The following HIPK3 variants were observed in gnomAD, a reference collection of about 807,000 sequenced individuals.
HIPK3 encodes the protein homeodomain-interacting protein kinase 3.
HIPK3 carries 47 observed loss-of-function variants against 124.2 expected under a neutral mutation model. The observed-to-expected ratio is 0.38, with a 90% CI of 0.30 to 0.48. HIPK3 has a LOEUF of 0.48. HIPK3 is among the 20% of genes least tolerant of loss of function. HIPK3 has a pLI of 0.98. For synonymous variants in HIPK3, 482 were observed against 515.2 expected (o/e 0.94, Z 0.87); for missense variants, 1,286 against 1,454.3 (o/e 0.88, Z 1.88).
chr11:33,318,178 T>C (rs1852560443), intron 2 of HIPK3, among the ~76,000 whole-genome samples: 1 of 152,180 alleles, frequency 6.6e-6, no homozygotes, highest in Non-Finnish European at 1.5e-5. Context: ...AGCATCTAAG[T>C]CTGAGCACTT....
At chr11:33,269,117 C>T (rs1056085883) in intron 1 of HIPK3, among the ~76,000 whole-genome samples, 5 of 152,136 alleles carry the variant, frequency 3.3e-5, no homozygotes, top group South Asian at 2.1e-4. Flanking sequence ...CCTTAATCAA[C>T]GTGTAGCATC....
chr11:33,352,067 C>G, intron 15 of HIPK3, 71 bp from the exon 16 acceptor site: 1 of 1,442,152 alleles, frequency 6.9e-7, no homozygotes, highest in Non-Finnish European at 9.6e-7. Flanking sequence ...TGTAAAATAT[C>G]TAAAGACTTT....
chr11:33,350,461 G>A (rs1253250447), intron 14 of HIPK3, among the ~76,000 whole-genome samples: 2 of 151,182 alleles, frequency 1.3e-5, no homozygotes, highest in Non-Finnish European at 2.9e-5. Flanking sequence ...GAGGCCAAGA[G>A]TTCGAGACCA....
intron 1 of HIPK3, among the ~76,000 whole-genome samples, chr11:33,267,039 C>T (rs1001274191): frequency 1.3e-5 from 2 of 152,144 alleles, no homozygotes; most frequent in Non-Finnish European, 1.5e-5. Context: ...TTTCCTTTCT[C>T]CTAAATTTAG....
chr11:33,353,775 G>A lies in HIPK3; in HGVS notation c.*207G>A, dbSNP rs1590199134. 3 of 519,758 alleles carry A rather than the reference G, an allele frequency of 5.8e-6. No individual in the cohort carries two copies. Among genetic ancestry groups the A allele is most frequent in the African/African-American group, 3.8e-5 (2 of 52,128 alleles). 32.2% of individuals were successfully genotyped at this position (519,758 alleles called of 1,614,324 possible). A position where few individuals can be genotyped will look rare whatever the true frequency, so the allele number is the denominator to read the frequency against. On this transcript the variant is annotated 3_prime_UTR_variant, in exon 17 of 17. Transcript: ENST00000303296. ...GTCTTTGGTCATGTTATCTTCTTATGTAGTAACTCTAGACAGGTGACTTAT... is the reference window on the plus strand; with the variant it reads ...GTCTTTGGTCATGTTATCTTCTTATATAGTAACTCTAGACAGGTGACTTAT...
intron 1 of HIPK3, among the ~76,000 whole-genome samples, chr11:33,262,953 A>G (rs780545277): frequency 6.6e-6 from 1 of 152,130 alleles, no homozygotes; most frequent in Non-Finnish European, 1.5e-5. Flanking sequence ...AATAGCTGAG[A>G]CTACAGGAGG....
At chr11:33,330,389 C>T (rs1010507733) in intron 3 of HIPK3, among the ~76,000 whole-genome samples, 1 of 151,744 alleles carries the variant, frequency 6.6e-6, no homozygotes, top group African/African-American at 2.4e-5. Flanking sequence ...AGTGCAGTGG[C>T]GTGATCTCAG....
At chr11:33,322,971 G>A (rs577484447) in intron 2 of HIPK3, among the ~76,000 whole-genome samples, 1 of 152,190 alleles carries the variant, frequency 6.6e-6, no homozygotes, top group South Asian at 2.1e-4. Context: ...ACCTTCCTGA[G>A]CACTGGAGTG....
At chr11:33,310,709 G>C (rs1852310474) in intron 2 of HIPK3, among the ~76,000 whole-genome samples, 1 of 152,346 alleles carries the variant, frequency 6.6e-6, no homozygotes, top group East Asian at 1.9e-4. Context: ...TGTGCAGATA[G>C]AGATAGTACA....
chr11:33,284,236 C>G (rs941863011), intron 1 of HIPK3, among the ~76,000 whole-genome samples: 2 of 151,828 alleles, frequency 1.3e-5, no homozygotes, highest in African/African-American at 4.8e-5. Context: ...TTCAACCAAC[C>G]AACAAGCCAA....
At chr11:33,291,237 C>T (rs1362732993) in intron 2 of HIPK3, among the ~76,000 whole-genome samples, 1 of 152,122 alleles carries the variant, frequency 6.6e-6, no homozygotes, top group African/African-American at 2.4e-5. Flanking sequence ...ACTTATAAAT[C>T]TGATAAGGCA....
intron 1 of HIPK3, among the ~76,000 whole-genome samples, chr11:33,266,934 C>T (rs773728776): frequency 6.6e-6 from 1 of 151,988 alleles, no homozygotes; most frequent in Non-Finnish European, 1.5e-5. Flanking sequence ...GCTAGTAATA[C>T]AGTTCTCTTG....
chr11:33,352,232 A>G lies in HIPK3; in HGVS notation c.3138A>G (p.Ser1046=), dbSNP rs1394655673. The G allele has an allele frequency of 6.2e-7, 1 of 1,613,978 alleles. No homozygotes were observed. Among genetic ancestry groups the G allele is most frequent in the Non-Finnish European group, 8.5e-7 (1 of 1,179,958 alleles). Residue 1046 remains serine (S), a synonymous_variant, in exon 16 of 17, where the codon TCA becomes TCG. Transcript: ENST00000303296. ...GTACTCGTCAGCAAAAATTGACATCAGCATTCCAGCAGCAGCATTTGAACT... is the reference window on the plus strand; with the variant it reads ...GTACTCGTCAGCAAAAATTGACATCGGCATTCCAGCAGCAGCATTTGAACT... ...AVGTRQQKLT[S]AFQQQHLNFS...
rs1031746352 is a variant in HIPK3, at chr11:33,353,770, C to A, written c.*202C>A. ...AACTTGTCTTTGGTCATGTTATCTT[C>A]TTATGTAGTAACTCTAGACAGGTGA... is the stretch of plus-strand genomic sequence containing the variant. On this transcript the variant is annotated 3_prime_UTR_variant, in exon 17 of 17. Coordinates refer to ENST00000303296, the MANE Select transcript of HIPK3 (RefSeq NM_005734.5). The A allele has an allele frequency of 1.9e-6, 1 of 529,678 alleles. No individual in the cohort carries two copies. The highest frequency in any genetic ancestry group is 1.9e-5 in the African/African-American group (1 of 52,288). The allele number at this position is 529,678 out of a possible 1,614,324, so 32.8% of individuals were successfully genotyped here. A position where few individuals can be genotyped will look rare whatever the true frequency, so the allele number is the denominator to read the frequency against.
At chr11:33,301,855 C>CACACACACACACACACACACACACACAA (rs66571916) in intron 2 of HIPK3, among the ~76,000 whole-genome samples, 1 of 151,384 alleles carries the variant, frequency 6.6e-6, no homozygotes, top group Non-Finnish European at 1.5e-5. Flanking sequence ...CACACACACA[C>CACACACACACACACACACACACACACAA]GAGTACAGTA....
At chr11:33,347,776 T>A in intron 10 of HIPK3, 23 bp downstream of exon 10, 1 of 1,613,058 alleles carries the variant, frequency 6.2e-7, no homozygotes, top group South Asian at 1.1e-5. Flanking sequence ...CAAAAGTACT[T>A]TGTGAATAGT....
intron 2 of HIPK3, among the ~76,000 whole-genome samples, chr11:33,314,648 T>A (rs1245104810): frequency 1.3e-5 from 2 of 151,906 alleles, no homozygotes; most frequent in Non-Finnish European, 2.9e-5. Context: ...AGAGAGAGAC[T>A]CCATCTCACA....
At chr11:33,310,543 A>G (rs1852304238) in intron 2 of HIPK3, among the ~76,000 whole-genome samples, 1 of 152,104 alleles carries the variant, frequency 6.6e-6, no homozygotes. Flanking sequence ...TCCTGGCCTC[A>G]AGTGATTCGC....
chr11:33,349,206 G>T lies in HIPK3; in HGVS notation c.2726G>T (p.Cys909Phe), dbSNP rs1361373786. ...CQSTLNIDRM[C>F]SLSSPDSTLS... Reference sequence around the variant, plus strand: ...AGCACTTTGAATATTGATCGGATGTGTTCATTAAGTAGTCCTGATAGTACT... The same window carrying T: ...AGCACTTTGAATATTGATCGGATGTTTTCATTAAGTAGTCCTGATAGTACT... Residue 909 changes from cysteine to phenylalanine, a missense_variant, in exon 14 of 17, where the codon TGT becomes TTT. By Grantham distance (205) the Cys-to-Phe change is radical. Coordinates refer to ENST00000303296, the MANE Select transcript of HIPK3 (RefSeq NM_005734.5). The T allele has an allele frequency of 1.2e-6, 2 of 1,613,730 alleles. No individual in the cohort carries two copies. The highest frequency in any genetic ancestry group is 1.7e-6 in the Non-Finnish European group (2 of 1,179,648).
Sources: gnomAD v4.1 joint callset for allele counts (sites outside exome capture counted in the v4.1 genomes callset) on GRCh38, gnomAD v4.1.1 for gene constraint, MANE v1.5 for transcripts, NCBI Gene and HGNC (gene_info 2026-07-23, HGNC 2026-07-21) for gene names.